Variants in NELL1 observed in about 807,000 individuals in gnomAD.
The protein encoded by NELL1 is protein kinase C-binding protein NELL1.
NELL1 carries 76 observed loss-of-function variants against 107.4 expected under a neutral mutation model. The observed-to-expected ratio is 0.71, with a 90% CI of 0.59 to 0.86. The LOEUF (loss-of-function observed/expected upper bound fraction) is 0.86, where lower values mean the gene tolerates loss of function less well. Ranked by LOEUF, NELL1 falls within the 40% of genes least tolerant of loss-of-function variation. NELL1 has a pLI of 0.00. For synonymous variants in NELL1, 353 were observed against 341.2 expected, an observed-to-expected ratio of 1.03 and a Z score of -0.38; for missense variants, 1,024 against 1,005.5, an observed-to-expected ratio of 1.02 and a Z score of -0.25.
chr11:21,156,449 G>T (rs1856236786), intron 13 of NELL1, among the ~76,000 whole-genome samples: 1 of 152,050 alleles, frequency 6.6e-6, no homozygotes, highest in South Asian at 2.1e-4. Flanking sequence ...AGCTCATCTA[G>T]GCTAAATAGT....
At chr11:20,711,367 G>A (rs1001560644) in intron 2 of NELL1, among the ~76,000 whole-genome samples, 7 of 151,988 alleles carry the variant, frequency 4.6e-5, no homozygotes, top group Non-Finnish European at 2.9e-5. Context: ...AAGCATTTAG[G>A]CCATTCAATT....
intron 3 of NELL1, among the ~76,000 whole-genome samples, chr11:20,824,624 G>T (rs1393413095): frequency 2.6e-5 from 4 of 151,320 alleles, no homozygotes; most frequent in African/African-American, 7.2e-5. Flanking sequence ...TCGAGGCTGG[G>T]ATGGTCTCAA....
chr11:21,473,382 A>G (rs1259209101), intron 15 of NELL1, among the ~76,000 whole-genome samples: 1 of 151,922 alleles, frequency 6.6e-6, no homozygotes, highest in Non-Finnish European at 1.5e-5. Flanking sequence ...TATTGAATGG[A>G]TCTTAACCAC....
intron 12 of NELL1, among the ~76,000 whole-genome samples, chr11:20,987,577 A>G (rs12284870): frequency 9.4e-4 from 143 of 152,302 alleles, no homozygotes; most frequent in African/African-American, 3.1e-3. Flanking sequence ...AAACCATCAT[A>G]TTTTGTGAGA....
chr11:21,218,528 T>C (rs906492354), intron 13 of NELL1, among the ~76,000 whole-genome samples: 1 of 152,168 alleles, frequency 6.6e-6, no homozygotes, highest in Non-Finnish European at 1.5e-5. Context: ...TTTAAAAATA[T>C]GCAATAAGTT....
At chr11:20,731,144 T>C (rs1019081835) in intron 2 of NELL1, among the ~76,000 whole-genome samples, 1 of 152,152 alleles carries the variant, frequency 6.6e-6, no homozygotes, top group Non-Finnish European at 1.5e-5. Flanking sequence ...TACTTAACAT[T>C]GCTGTTCACC....
chr11:21,019,842 C>G (rs1021054029), intron 12 of NELL1, among the ~76,000 whole-genome samples: 3 of 152,060 alleles, frequency 2.0e-5, no homozygotes, highest in Non-Finnish European at 4.4e-5. Flanking sequence ...TAGCTTAGCC[C>G]CTGGGCCCAC....
chr11:21,524,174 C>G (rs1204649608), intron 15 of NELL1, among the ~76,000 whole-genome samples: 2 of 152,056 alleles, frequency 1.3e-5, no homozygotes, highest in Non-Finnish European at 2.9e-5. Flanking sequence ...TGGTTTAAAT[C>G]CCCACTCTGT....
chr11:20,895,062 G>T (rs1564954729), intron 5 of NELL1, among the ~76,000 whole-genome samples: 2 of 143,124 alleles, frequency 1.4e-5, no homozygotes, highest in Non-Finnish European at 3.0e-5. Flanking sequence ...ACGAGGTCAG[G>T]AGATCGAGAC....
intron 15 of NELL1, among the ~76,000 whole-genome samples, chr11:21,413,109 C>G (rs1293338772): frequency 6.6e-6 from 1 of 151,988 alleles, no homozygotes; most frequent in African/African-American, 2.4e-5. Context: ...AACAAAAAAC[C>G]CTTGATTGCC....
At chr11:20,859,068 T>C (rs564722006) in intron 4 of NELL1, among the ~76,000 whole-genome samples, 9 of 152,310 alleles carry the variant, frequency 5.9e-5, no homozygotes, top group African/African-American at 1.7e-4. Context: ...CGGCTGTAGG[T>C]TGACATGCTC....
intron 14 of NELL1, among the ~76,000 whole-genome samples, chr11:21,249,873 G>A (rs1234761082): frequency 1.6e-4 from 25 of 152,130 alleles, no homozygotes; most frequent in Admixed American, 1.6e-3. Flanking sequence ...ACTGGAAGGG[G>A]TACAGTTCAC....
intron 4 of NELL1, among the ~76,000 whole-genome samples, chr11:20,851,156 A>G (rs1339173654): frequency 1.3e-5 from 2 of 152,196 alleles, no homozygotes; most frequent in Admixed American, 6.5e-5. Context: ...AATTTCCCAG[A>G]TAATTCCATT....
At chr11:21,356,554 C>A (rs1055487260) in intron 14 of NELL1, among the ~76,000 whole-genome samples, 2 of 152,152 alleles carry the variant, frequency 1.3e-5, no homozygotes, top group Non-Finnish European at 2.9e-5. Flanking sequence ...GTCCTCCGCG[C>A]AAACACTGTT....
chr11:21,345,538 G>T (rs1850665059), intron 14 of NELL1, among the ~76,000 whole-genome samples: 1 of 152,180 alleles, frequency 6.6e-6, no homozygotes, highest in African/African-American at 2.4e-5. Context: ...GTGGGTGTAT[G>T]CTCAGGGAAA....
At chr11:21,191,647 C>A (rs1042286727) in intron 13 of NELL1, among the ~76,000 whole-genome samples, 2 of 151,884 alleles carry the variant, frequency 1.3e-5, no homozygotes, top group African/African-American at 4.9e-5. Flanking sequence ...ATTATAACAG[C>A]ACTTTCCTCC....
At chr11:20,747,473 A>T (rs7130985) in intron 2 of NELL1, among the ~76,000 whole-genome samples, 5,233 of 152,256 alleles carry the variant, frequency 0.034, 286 homozygotes, top group African/African-American at 0.12. Context: ...TCTGTTGATT[A>T]TAACAGAATT....
At chr11:21,451,591 G>C (rs1016943115) in intron 15 of NELL1, among the ~76,000 whole-genome samples, 6 of 151,958 alleles carry the variant, frequency 3.9e-5, no homozygotes, top group African/African-American at 7.3e-5. Flanking sequence ...AAATGAAAAA[G>C]GTTCCTGAGA....
intron 12 of NELL1, among the ~76,000 whole-genome samples, chr11:21,059,785 G>A (rs1290863227): frequency 6.6e-6 from 1 of 152,122 alleles, no homozygotes; most frequent in African/African-American, 2.4e-5. Context: ...CTGGAATTAA[G>A]TAGAATAGGC....
Sources: gnomAD v4.1 joint callset for allele counts (sites outside exome capture counted in the v4.1 genomes callset) on GRCh38, gnomAD v4.1.1 for gene constraint, MANE v1.5 for transcripts, NCBI Gene and HGNC (gene_info 2026-07-23, HGNC 2026-07-21) for gene names.